Variants in NHEJ1 observed in about 807,000 individuals in gnomAD.
NHEJ1 encodes non-homologous end-joining factor 1.
In NHEJ1, 22 loss-of-function variants were observed where a neutral mutation model predicts 39.4. That is an observed-to-expected ratio of 0.56 (90% confidence interval 0.40 to 0.80). The LOEUF (loss-of-function observed/expected upper bound fraction) is 0.80. Among genes scored for constraint, NHEJ1 ranks in the 30% least tolerant of loss-of-function variants. NHEJ1 has a pLI of 0.00. For missense variants in NHEJ1, 329 were observed against 357.1 expected (o/e 0.92, Z 0.63); for synonymous variants, 154 against 135.6 (o/e 1.14, Z -0.94).
chr2:219,101,717 A>C (rs1258766031), intron 5 of NHEJ1, among the ~76,000 whole-genome samples: 3 of 124,418 alleles, frequency 2.4e-5, no homozygotes, highest in African/African-American at 3.0e-5. Context: ...GAACTACCTC[A>C]TTCTTTTTTT....
chr2:219,141,072 T>C (rs1949686421), intron 5 of NHEJ1, among the ~76,000 whole-genome samples: 1 of 152,090 alleles, frequency 6.6e-6, no homozygotes, highest in Non-Finnish European at 1.5e-5. Flanking sequence ...GGCTGTTGCA[T>C]GGTCAAGCCA....
chr2:219,105,541 G>A (rs1344776837), intron 5 of NHEJ1, among the ~76,000 whole-genome samples: 1 of 152,208 alleles, frequency 6.6e-6, no homozygotes, highest in African/African-American at 2.4e-5. Flanking sequence ...TGGCACATAG[G>A]AGGTGTTCAC....
chr2:219,149,271 G>A (rs975362856), intron 3 of NHEJ1, among the ~76,000 whole-genome samples: 4 of 152,102 alleles, frequency 2.6e-5, no homozygotes, highest in Non-Finnish European at 4.4e-5. Flanking sequence ...ATATGATAAT[G>A]TATAGCTATA....
chr2:219,078,142 T>A lies in NHEJ1; in HGVS notation c.653A>T (p.Tyr218Phe). ...KPFVMNLQDL[Y>F]MAVTTQEVQV... ...GACCTCTTGTGTGGTGACTGCCATA[T>A]ACAGATCCTGCAGATTCATGACAAA... The change falls in exon 6 of 8, where the codon TAT (tyrosine) becomes TTT (phenylalanine). Residue 218 changes from tyrosine to phenylalanine, a missense_variant. Coordinates refer to ENST00000356853, the MANE Select transcript of NHEJ1 (RefSeq NM_024782.3). 1 of 1,614,198 alleles carries A rather than the reference T, an allele frequency of 6.2e-7. No homozygotes were observed. Among genetic ancestry groups the A allele is most frequent in the Non-Finnish European group, 8.5e-7 (1 of 1,180,022 alleles).
chr2:219,157,276 C>T (rs1436918215), intron 3 of NHEJ1, among the ~76,000 whole-genome samples, 196 bp downstream of exon 3: 2 of 152,202 alleles, frequency 1.3e-5, no homozygotes, highest in Non-Finnish European at 2.9e-5. Flanking sequence ...TGAATAAAGA[C>T]ACTCAGTACT....
At chr2:219,124,081 A>G (rs980095344) in intron 5 of NHEJ1, among the ~76,000 whole-genome samples, 3 of 152,180 alleles carry the variant, frequency 2.0e-5, no homozygotes, top group Admixed American at 6.5e-5. Context: ...GTAAACCTCA[A>G]AGACTTCAGC....
intron 3 of NHEJ1, among the ~76,000 whole-genome samples, chr2:219,155,042 C>G (rs940276706): frequency 6.7e-6 from 1 of 149,046 alleles, no homozygotes; most frequent in Non-Finnish European, 1.5e-5. Context: ...ATTAGTGTTC[C>G]TTACTGTATT....
chr2:219,115,406 G>C (rs1949404183), intron 5 of NHEJ1, among the ~76,000 whole-genome samples: 1 of 152,186 alleles, frequency 6.6e-6, no homozygotes, highest in Non-Finnish European at 1.5e-5. Flanking sequence ...ATGATGATTA[G>C]AGGGATAATT....
At chr2:219,108,969 T>C (rs1365076898) in intron 5 of NHEJ1, among the ~76,000 whole-genome samples, 3 of 152,340 alleles carry the variant, frequency 2.0e-5, no homozygotes, top group South Asian at 2.1e-4. Context: ...CCCATCCCAA[T>C]TAAACTTAAC....
At chr2:219,135,035 G>A (rs1272745189) in intron 5 of NHEJ1, among the ~76,000 whole-genome samples, 3 of 16,656 alleles carry the variant, frequency 1.8e-4, no homozygotes, top group Non-Finnish European at 5.2e-4. Flanking sequence ...GTGAAACTCC[G>A]TCTCAATTAA....
At chr2:219,089,461 T>C (rs1404080217) in intron 5 of NHEJ1, among the ~76,000 whole-genome samples, 3 of 152,168 alleles carry the variant, frequency 2.0e-5, no homozygotes, top group Admixed American at 6.5e-5. Flanking sequence ...GAGAACATAA[T>C]GCTAAGTGAA....
At chr2:219,096,950 G>T (rs1490373352) in intron 5 of NHEJ1, among the ~76,000 whole-genome samples, 2 of 152,190 alleles carry the variant, frequency 1.3e-5, no homozygotes, top group African/African-American at 2.4e-5. Flanking sequence ...GAACTTTAAA[G>T]AATCACTCCA....
At chr2:219,086,720 T>C (rs1351155876) in intron 5 of NHEJ1, among the ~76,000 whole-genome samples, 1 of 150,958 alleles carries the variant, frequency 6.6e-6, no homozygotes, top group Admixed American at 6.6e-5. Flanking sequence ...AAAATAATGG[T>C]AAAGGGAGTG....
rs1409968551 is a variant in NHEJ1 at position 219,074,287 on chromosome 2, T to C, written c.*2094A>G. 1.3e-5 allele frequency among the ~76,000 whole-genome samples: 2 copies of C among 152,230 alleles called. No homozygotes were observed. The highest frequency in any genetic ancestry group is 2.9e-5 in the Non-Finnish European group (2 of 68,046). ...CAATTTTGAGGGATTCACAGGCCTC[T>C]GGCCCCGCTGTGATGAAAAATGTCT... On this transcript the variant is annotated 3_prime_UTR_variant, in exon 8 of 8. Coordinates refer to ENST00000356853, the MANE Select transcript of NHEJ1 (RefSeq NM_024782.3).
chr2:219,073,442 AC>A lies in NHEJ1; in HGVS notation c.*2938del, dbSNP rs947325616. Among the ~76,000 whole-genome samples the A allele has an allele frequency of 3.3e-5, 5 of 152,182 alleles. No homozygotes were observed. The highest frequency in any genetic ancestry group is 7.4e-5 in the Non-Finnish European group (5 of 68,022). The stretch of plus-strand genomic sequence containing the variant: ...TTTAAGGGTTGCTGGGGAAGCCCCC[AC>A]TGAGGCATGAGAAAAGGAGGTGCTA... On this transcript the variant is annotated 3_prime_UTR_variant, in exon 8 of 8. Coordinates refer to ENST00000356853, the MANE Select transcript of NHEJ1 (RefSeq NM_024782.3).
chr2:219,089,853 T>G (rs973264716), intron 5 of NHEJ1, among the ~76,000 whole-genome samples: 3 of 152,214 alleles, frequency 2.0e-5, no homozygotes, highest in African/African-American at 4.8e-5. Context: ...TAGGAATAGA[T>G]GCTTAGGCTC....
rs1405490581 is a variant in NHEJ1 at position 219,074,998 on chromosome 2, G to T, written c.*1383C>A. 3.9e-5 allele frequency among the ~76,000 whole-genome samples: 6 copies of T among 152,172 alleles called. No individual in the cohort carries two copies. Among genetic ancestry groups the T allele is most frequent in the Non-Finnish European group, 7.3e-5 (5 of 68,038 alleles). On this transcript the variant is annotated 3_prime_UTR_variant, in exon 8 of 8. Transcript: ENST00000356853. Reference sequence around the variant, plus strand: ...TTCCTTGAAGAGCCCCTGGGGAGCAGACATCCTATTGAAAAGAGGCAAGGT... The same window carrying T: ...TTCCTTGAAGAGCCCCTGGGGAGCATACATCCTATTGAAAAGAGGCAAGGT...
rs1949032251 is a variant in NHEJ1 at position 219,078,210 on chromosome 2, T to C, written c.589-4A>G. 1 of 1,609,986 alleles carries C rather than the reference T, an allele frequency of 6.2e-7. No homozygotes were observed. The highest frequency in any genetic ancestry group is 1.7e-5 in the Admixed American group (1 of 59,988). On this transcript the variant is annotated splice_region_variant and splice_polypyrimidine_tract_variant and intron_variant, in intron 5 of 7. Transcript: ENST00000356853. Reference sequence around the variant, plus strand: ...TGCTGCATGCCTCTGGCAGTTTCTGTAAGAGAGAGGAGATACTGTCATTGG... The same window carrying C: ...TGCTGCATGCCTCTGGCAGTTTCTGCAAGAGAGAGGAGATACTGTCATTGG...
intron 5 of NHEJ1, among the ~76,000 whole-genome samples, chr2:219,089,121 T>C (rs919658160): frequency 6.6e-6 from 1 of 152,210 alleles, no homozygotes; most frequent in Admixed American, 6.6e-5. Flanking sequence ...GCCCAGCCTA[T>C]ACTTCAATTT....
Sources: gnomAD v4.1 joint callset for allele counts (sites outside exome capture counted in the v4.1 genomes callset) on GRCh38, gnomAD v4.1.1 for gene constraint, MANE v1.5 for transcripts, NCBI Gene and HGNC (gene_info 2026-07-23, HGNC 2026-07-21) for gene names.